YES1: variants seen among roughly 807,000 people sequenced by gnomAD.
YES1 encodes the protein YES proto-oncogene 1, Src family tyrosine kinase, also known as tyrosine-protein kinase Yes.
A neutral mutation model predicts 70.4 loss-of-function variants in YES1; 39 were observed. The observed-to-expected ratio is 0.55, with a 90% CI of 0.43 to 0.72. The LOEUF (loss-of-function observed/expected upper bound fraction) is 0.72. Among genes scored for constraint, YES1 ranks in the 30% least tolerant of loss-of-function variants. The pLI, the probability that YES1 is intolerant of heterozygous loss-of-function variation, is 0.00. For missense variants in YES1, 495 were observed against 644.8 expected (o/e 0.77, Z 2.52); for synonymous variants, 198 against 218.6 (o/e 0.91, Z 0.83).
chr18:726,440 A>G (rs147550647), intron 11 of YES1, among the ~76,000 whole-genome samples: 1 of 151,040 alleles, frequency 6.6e-6, no homozygotes, highest in African/African-American at 2.4e-5. Context: ...CACAAAAACA[A>G]AAACAACTTC....
chr18:772,723 C>A (rs1436801264), intron 1 of YES1, among the ~76,000 whole-genome samples: 1 of 152,166 alleles, frequency 6.6e-6, no homozygotes, highest in African/African-American at 2.4e-5. Flanking sequence ...TGAGGCACCA[C>A]GCCCGGCCAG....
intron 1 of YES1, among the ~76,000 whole-genome samples, chr18:810,997 C>G (rs1389097340): frequency 6.6e-6 from 1 of 152,128 alleles, no homozygotes; most frequent in East Asian, 1.9e-4. Context: ...CTTAAATGCA[C>G]AGTCACGTGT....
intron 3 of YES1, among the ~76,000 whole-genome samples, chr18:748,322 T>C (rs1265197510): frequency 6.6e-6 from 1 of 151,764 alleles, no homozygotes; most frequent in African/African-American, 2.4e-5. Flanking sequence ...ATAAAACAAT[T>C]TGGGAGGTAA....
intron 1 of YES1, among the ~76,000 whole-genome samples, chr18:765,247 ACTAT>A (rs1160005826): frequency 1.1e-4 from 7 of 62,386 alleles, no homozygotes; most frequent in Admixed American, 1.9e-4. Context: ...AAGAGTTACA[ACTAT>A]ATATATATAT....
intron 1 of YES1, among the ~76,000 whole-genome samples, chr18:759,496 G>A (rs575048901): frequency 2.1e-4 from 32 of 152,114 alleles, no homozygotes; most frequent in South Asian, 6.2e-4. Context: ...ACCCATAACC[G>A]GATCTGGAAA....
chr18:763,394 T>A (rs1372792493), intron 1 of YES1, among the ~76,000 whole-genome samples: 1 of 151,980 alleles, frequency 6.6e-6, no homozygotes, highest in Non-Finnish European at 1.5e-5. Flanking sequence ...AACTGACCCA[T>A]GTGAGAAAAG....
chr18:791,251 G>GAAAAAA (rs1165254118), intron 1 of YES1, among the ~76,000 whole-genome samples: 1 of 82,324 alleles, frequency 1.2e-5, no homozygotes. Flanking sequence ...ACTTGAAGAA[G>GAAAAAA]AAAAAAAAAA....
chr18:778,286 T>C lies in YES1; in HGVS notation c.-8-21451A>G, dbSNP rs185544978. On this transcript the variant is annotated intron_variant, in intron 1 of 11. Coordinates refer to ENST00000314574, the MANE Select transcript of YES1 (RefSeq NM_005433.4). ...GGGAAGCCTTGTGTATAGCATTCTT[T>C]GTTCATTGGTAAGTTATTAAATATT... 2.9e-4 allele frequency among the ~76,000 whole-genome samples: 44 copies of C among 152,354 alleles called. 1 individual carries two copies. Among genetic ancestry groups the C allele is most frequent in the Admixed American group, 2.2e-3 (33 of 15,304 alleles).
At chr18:760,506 C>A (rs1904536259) in intron 1 of YES1, among the ~76,000 whole-genome samples, 1 of 151,946 alleles carries the variant, frequency 6.6e-6, no homozygotes, top group South Asian at 2.1e-4. Context: ...ACAACAAAAA[C>A]CCCAAAAAAC....
intron 10 of YES1, among the ~76,000 whole-genome samples, chr18:735,249 A>G (rs1295368120): frequency 6.6e-6 from 1 of 152,130 alleles, no homozygotes; most frequent in Admixed American, 6.6e-5. Flanking sequence ...GAGCCAATCT[A>G]AATGACCATT....
intron 11 of YES1, among the ~76,000 whole-genome samples, chr18:726,781 CAAAAAAAAAA>C (rs58322434): frequency 2.8e-4 from 13 of 47,250 alleles, no homozygotes; most frequent in East Asian, 1.5e-3. Flanking sequence ...ACTCTTGTCT[CAAAAAAAAAA>C]AAAAAAAAAA....
intron 3 of YES1, among the ~76,000 whole-genome samples, chr18:749,648 G>A (rs1697375107): frequency 6.6e-6 from 1 of 151,982 alleles, no homozygotes; most frequent in Admixed American, 6.6e-5. Flanking sequence ...AAGGTCAGGA[G>A]ATCGAGACCA....
At chr18:792,565 A>ATGTG (rs71174292) in intron 1 of YES1, among the ~76,000 whole-genome samples, 40 of 147,118 alleles carry the variant, frequency 2.7e-4, no homozygotes, top group East Asian at 8.3e-4. Context: ...CCCTCTGTAT[A>ATGTG]TGTGTGTGTG....
intron 1 of YES1, among the ~76,000 whole-genome samples, chr18:785,139 A>C (rs1178600593): frequency 1.4e-5 from 2 of 139,080 alleles, no homozygotes; most frequent in Non-Finnish European, 3.0e-5. Context: ...ATATCACAAA[A>C]GTTATGCACA....
At chr18:761,356 T>C (rs1904584761) in intron 1 of YES1, among the ~76,000 whole-genome samples, 1 of 152,068 alleles carries the variant, frequency 6.6e-6, no homozygotes, top group Non-Finnish European at 1.5e-5. Flanking sequence ...AATTATTACA[T>C]AAATTATACT....
chr18:739,349 A>G (rs1299847344), intron 9 of YES1: 3 of 157,372 alleles, frequency 1.9e-5, no homozygotes, highest in South Asian at 2.0e-4. Context: ...TAATCCCAAT[A>G]CTTTGGGAGG....
chr18:799,183 C>G (rs537007187), intron 1 of YES1, among the ~76,000 whole-genome samples: 1 of 152,308 alleles, frequency 6.6e-6, no homozygotes, highest in South Asian at 2.1e-4. Context: ...ATTTTCCATA[C>G]AGATGTCTAA....
chr18:802,436 C>A lies in YES1; in HGVS notation c.-9+9678G>T, dbSNP rs930590416. On this transcript the variant is annotated intron_variant, in intron 1 of 11. Transcript: ENST00000314574. ...GTGCACGCTTGTAATCCCAGCTACT[C>A]AGGAGGCTGAGGCAGAAGAATCGCT... Among the ~76,000 whole-genome samples the A allele has an allele frequency of 6.0e-5, 9 of 150,950 alleles. 1 individual carries two copies. The East Asian group carries it at 1.4e-3, about 23-fold the overall frequency.
At chr18:802,863 G>A (rs113252640) in intron 1 of YES1, among the ~76,000 whole-genome samples, 5,996 of 151,634 alleles carry the variant, frequency 0.04, 408 homozygotes, top group African/African-American at 0.14. Flanking sequence ...CAAGTGGATC[G>A]CTTGAGCCCA....
Sources: allele counts gnomAD v4.1 joint callset (sites outside exome capture counted in the v4.1 genomes callset), GRCh38; gene constraint gnomAD v4.1.1; transcripts MANE v1.5; gene names NCBI Gene and HGNC (gene_info 2026-07-23, HGNC 2026-07-21).